The following SH3PXD2A variants were observed in gnomAD, a reference collection of about 807,000 sequenced individuals.
SH3PXD2A encodes the protein SH3 and PX domains 2A.
SH3PXD2A carries 32 observed loss-of-function variants against 115.2 expected under a neutral mutation model. That is an observed-to-expected ratio of 0.28 (90% CI 0.21 to 0.37). SH3PXD2A has a LOEUF of 0.37. Ranked by LOEUF, SH3PXD2A falls within the 10% of genes least tolerant of loss-of-function variation. The pLI, the probability that SH3PXD2A is intolerant of heterozygous loss-of-function variation, is 1.00. For missense variants in SH3PXD2A, 1,328 were observed against 1,498.7 expected (o/e 0.89, Z 1.88); for synonymous variants, 610 against 629.1 (o/e 0.97, Z 0.45).
At chr10:103,662,151 G>T (rs1356615912) in intron 7 of SH3PXD2A, among the ~76,000 whole-genome samples, 1 of 152,132 alleles carries the variant, frequency 6.6e-6, no homozygotes, top group Non-Finnish European at 1.5e-5. Context: ...TGCAGCAGAG[G>T]GAGGGCAGGT....
chr10:103,773,702 A>C (rs992177297), intron 2 of SH3PXD2A, among the ~76,000 whole-genome samples: 4 of 152,030 alleles, frequency 2.6e-5, no homozygotes, highest in Non-Finnish European at 5.9e-5. Context: ...CAGCCTCCCA[A>C]AGTACTGGGA....
chr10:103,651,969 A>C (rs1176487093), intron 8 of SH3PXD2A, among the ~76,000 whole-genome samples: 1 of 152,218 alleles, frequency 6.6e-6, no homozygotes, highest in Non-Finnish European at 1.5e-5. Flanking sequence ...CTGCTATCGC[A>C]CACCAGTCTC....
chr10:103,817,291 G>C (rs989652843), intron 1 of SH3PXD2A, among the ~76,000 whole-genome samples: 27 of 151,804 alleles, frequency 1.8e-4, no homozygotes, highest in African/African-American at 6.5e-4. Context: ...TGTCTTTTCT[G>C]CTCCTCTCCC....
chr10:103,797,074 G>A (rs960592092), intron 2 of SH3PXD2A, among the ~76,000 whole-genome samples: 18 of 152,076 alleles, frequency 1.2e-4, no homozygotes, highest in African/African-American at 4.1e-4. Flanking sequence ...GCATTGCCCA[G>A]GCTGGTCTTG....
chr10:103,709,452 G>A (rs1156958473), intron 5 of SH3PXD2A, among the ~76,000 whole-genome samples: 2 of 152,214 alleles, frequency 1.3e-5, no homozygotes, highest in Non-Finnish European at 2.9e-5. Context: ...CTCTCACTGG[G>A]ACACAGCAAG....
intron 5 of SH3PXD2A, among the ~76,000 whole-genome samples, chr10:103,723,734 T>C (rs915815928): frequency 6.6e-6 from 1 of 152,222 alleles, no homozygotes; most frequent in Non-Finnish European, 1.5e-5. Flanking sequence ...AATAGGACTA[T>C]TGAATATGGT....
chr10:103,638,946 G>A (rs1036552459), intron 8 of SH3PXD2A, among the ~76,000 whole-genome samples: 8 of 152,196 alleles, frequency 5.3e-5, no homozygotes, highest in Admixed American at 5.2e-4. Flanking sequence ...GGTCTCTACT[G>A]AAAACATGTG....
At chr10:103,793,485 C>T (rs1337067903) in intron 2 of SH3PXD2A, among the ~76,000 whole-genome samples, 2 of 152,208 alleles carry the variant, frequency 1.3e-5, no homozygotes, top group Admixed American at 1.3e-4. Context: ...GACTTAGCAA[C>T]TCTGTATGGA....
intron 11 of SH3PXD2A, among the ~76,000 whole-genome samples, chr10:103,614,075 T>C (rs1331347361): frequency 7.1e-6 from 1 of 141,396 alleles, no homozygotes; most frequent in Non-Finnish European, 1.5e-5. Context: ...AGATCTCATC[T>C]CTACCAAAAA....
intron 13 of SH3PXD2A, among the ~76,000 whole-genome samples, chr10:103,606,325 TCAG>T (rs1223376962): frequency 1.4e-5 from 2 of 147,978 alleles, no homozygotes; most frequent in East Asian, 4.0e-4. Flanking sequence ...TCCTCCCACT[TCAG>T]CCTCCCCAGT....
At chr10:103,664,744 G>T (rs2037361761) in intron 7 of SH3PXD2A, among the ~76,000 whole-genome samples, 1 of 149,470 alleles carries the variant, frequency 6.7e-6, no homozygotes, top group Admixed American at 6.7e-5. Context: ...TCGGCTCACT[G>T]CAACCTCCGC....
At chr10:103,606,748 C>T (rs1256715981) in intron 13 of SH3PXD2A, among the ~76,000 whole-genome samples, 19 of 152,184 alleles carry the variant, frequency 1.2e-4, no homozygotes, top group African/African-American at 4.3e-4. Context: ...CCGCCAGCCT[C>T]GGCCTCCCGA....
At chr10:103,822,815 G>A (rs1255213166) in intron 1 of SH3PXD2A, among the ~76,000 whole-genome samples, 1 of 152,282 alleles carries the variant, frequency 6.6e-6, no homozygotes, top group African/African-American at 2.4e-5. Flanking sequence ...ATTTACCAAA[G>A]AAGAAATACA....
intron 6 of SH3PXD2A, among the ~76,000 whole-genome samples, chr10:103,690,116 A>G (rs1171141246): frequency 6.6e-6 from 1 of 152,108 alleles, no homozygotes; most frequent in Non-Finnish European, 1.5e-5. Context: ...TCAGCTTCTC[A>G]TTTGCAAAAT....
At chr10:103,615,578 G>A (rs2036506474) in intron 11 of SH3PXD2A, among the ~76,000 whole-genome samples, 1 of 150,232 alleles carries the variant, frequency 6.7e-6, no homozygotes, top group Non-Finnish European at 1.5e-5. Context: ...GATCAACGTA[G>A]AGCCTGGAAT....
intron 3 of SH3PXD2A, among the ~76,000 whole-genome samples, chr10:103,765,040 C>T (rs764963361): frequency 6.6e-6 from 1 of 152,216 alleles, no homozygotes; most frequent in Non-Finnish European, 1.5e-5. Flanking sequence ...CTGAGATACA[C>T]TCATTTATTT....
rs530602947 is a variant in SH3PXD2A at position 103,715,070 on chromosome 10, G to A, written c.398+9200C>T. On this transcript the variant is annotated intron_variant, in intron 5 of 14. Coordinates refer to ENST00000369774, the MANE Select transcript of SH3PXD2A (RefSeq NM_001394015.1). ...CTCTCCCAGCTCTCACCTTCAGCTCGGCCAACCCAATTCCATTCCCCCAGC... is the reference window on the plus strand; with the variant it reads ...CTCTCCCAGCTCTCACCTTCAGCTCAGCCAACCCAATTCCATTCCCCCAGC... 5.3e-5 allele frequency among the ~76,000 whole-genome samples: 8 copies of A among 152,278 alleles called. No individual in the cohort carries two copies. In the East Asian group the frequency reaches 1.2e-3, roughly 22 times the overall value.
chr10:103,594,363 G>A lies in SH3PXD2A; in HGVS notation c.*7453C>T, dbSNP rs1038227832. ...TCAAATCGACTGCACTGAGTTTAAT[G>A]TCCTTTCTCCAGTTTCTCTGCTGAG... On this transcript the variant is annotated 3_prime_UTR_variant, in exon 15 of 15. Coordinates refer to ENST00000369774, the MANE Select transcript of SH3PXD2A (RefSeq NM_001394015.1). 2 of 152,628 alleles carry A rather than the reference G, an allele frequency of 1.3e-5. No homozygotes were observed. Among genetic ancestry groups the A allele is most frequent in the African/African-American group, 4.8e-5 (2 of 41,456 alleles). The allele number at this position is 152,628 out of a possible 1,614,324, so 9.5% of individuals were successfully genotyped here.
chr10:103,624,946 C>T (rs147257973), intron 9 of SH3PXD2A, among the ~76,000 whole-genome samples: 39 of 152,304 alleles, frequency 2.6e-4, no homozygotes, highest in African/African-American at 8.7e-4. Flanking sequence ...GGAGAATTGG[C>T]ACACAGGCCC....
Sources: gnomAD v4.1 joint callset for allele counts (sites outside exome capture counted in the v4.1 genomes callset) on GRCh38, gnomAD v4.1.1 for gene constraint, MANE v1.5 for transcripts, NCBI Gene and HGNC (gene_info 2026-07-23, HGNC 2026-07-21) for gene names.